The following CDK19 variants were observed in gnomAD, a reference collection of about 807,000 sequenced individuals.
CDK19 encodes cyclin dependent kinase 19.
CDK19 carries 20 observed loss-of-function variants against 68.3 expected under a neutral mutation model. The ratio of observed to expected loss-of-function variants is 0.29; its 90% confidence interval spans 0.21 to 0.43. CDK19 has a LOEUF of 0.43. Ranked by LOEUF, CDK19 falls within the 20% of genes least tolerant of loss-of-function variation. The pLI is 1.00. For missense variants in CDK19, 339 were observed against 623.5 expected (o/e 0.54, Z 4.86); for synonymous variants, 221 against 222.8 (o/e 0.99, Z 0.07).
intron 1 of CDK19, among the ~76,000 whole-genome samples, chr6:110,763,728 C>T (rs1363751793): frequency 6.6e-6 from 1 of 152,022 alleles, no homozygotes; most frequent in African/African-American, 2.4e-5. Flanking sequence ...TCTCACCACT[C>T]TTAATCAACA....
intron 1 of CDK19, among the ~76,000 whole-genome samples, chr6:110,767,945 TAAA>T (rs1321413056): frequency 1.3e-5 from 2 of 151,994 alleles, no homozygotes; most frequent in Non-Finnish European, 2.9e-5. Context: ...AAATATCTGA[TAAA>T]GAAGTGGTAT....
chr6:110,793,684 C>T (rs1781746927), intron 1 of CDK19, among the ~76,000 whole-genome samples: 1 of 152,180 alleles, frequency 6.6e-6, no homozygotes, highest in South Asian at 2.1e-4. Flanking sequence ...CCTGTTTTCC[C>T]TTGTGTTCCT....
intron 4 of CDK19, among the ~76,000 whole-genome samples, chr6:110,655,049 A>G (rs906328055): frequency 6.6e-6 from 1 of 152,122 alleles, no homozygotes; most frequent in African/African-American, 2.4e-5. Flanking sequence ...AAAAGTTATT[A>G]TTTTACTTTA....
chr6:110,727,153 T>G (rs1776371757), intron 2 of CDK19, among the ~76,000 whole-genome samples: 1 of 152,184 alleles, frequency 6.6e-6, no homozygotes. Context: ...GAAAACACAT[T>G]ATAAAAGTCA....
intron 1 of CDK19, among the ~76,000 whole-genome samples, chr6:110,747,185 C>T (rs1778137341): frequency 6.6e-6 from 1 of 152,112 alleles, no homozygotes; most frequent in Admixed American, 6.6e-5. Context: ...TTAGCTATTC[C>T]TCATTTTCCC....
At chr6:110,728,176 T>C in intron 2 of CDK19, among the ~76,000 whole-genome samples, 1 of 150,898 alleles carries the variant, frequency 6.6e-6, no homozygotes, top group East Asian at 2.0e-4. Flanking sequence ...TAATCCTAGC[T>C]ACTCAGGAGG....
chr6:110,706,881 G>A (rs1209696144), intron 2 of CDK19: 1 of 187,980 alleles, frequency 5.3e-6, no homozygotes, highest in Non-Finnish European at 1.2e-5. Flanking sequence ...TTTTCTAAAA[G>A]GCTATATTTT....
At chr6:110,796,751 G>A (rs1283253368) in intron 1 of CDK19, among the ~76,000 whole-genome samples, 8 of 152,106 alleles carry the variant, frequency 5.3e-5, no homozygotes, top group African/African-American at 1.9e-4. Context: ...ACTCACGCCT[G>A]TAATCCCAGC....
intron 1 of CDK19, among the ~76,000 whole-genome samples, chr6:110,800,240 A>G (rs1251318956): frequency 2.0e-5 from 3 of 152,170 alleles, no homozygotes; most frequent in Admixed American, 2.0e-4. Context: ...CACAATCTCT[A>G]AAGATTGAAC....
intron 1 of CDK19, among the ~76,000 whole-genome samples, chr6:110,747,874 T>C (rs1340740987): frequency 6.6e-6 from 1 of 152,236 alleles, no homozygotes; most frequent in Non-Finnish European, 1.5e-5. Context: ...TGATTGAATG[T>C]AATCAAAGCC....
At chr6:110,693,609 G>C (rs1021091422) in intron 2 of CDK19, among the ~76,000 whole-genome samples, 2 of 152,160 alleles carry the variant, frequency 1.3e-5, no homozygotes, top group Non-Finnish European at 2.9e-5. Context: ...TGGGAGCTAG[G>C]TGAAGCCTGT....
At chr6:110,731,424 G>C (rs1404505116) in intron 2 of CDK19, among the ~76,000 whole-genome samples, 1 of 152,172 alleles carries the variant, frequency 6.6e-6, no homozygotes, top group Non-Finnish European at 1.5e-5. Context: ...TGGTTGCCAA[G>C]GGCTGAGTTG....
chr6:110,766,234 T>A (rs1464775768), intron 1 of CDK19, among the ~76,000 whole-genome samples: 1 of 152,180 alleles, frequency 6.6e-6, no homozygotes, highest in East Asian at 1.9e-4. Context: ...AAAGAAAATG[T>A]GGCATATATA....
chr6:110,679,570 C>T (rs1338600219), intron 2 of CDK19, among the ~76,000 whole-genome samples: 1 of 152,062 alleles, frequency 6.6e-6, no homozygotes, highest in African/African-American at 2.4e-5. Context: ...CAAGATCACA[C>T]CATTGCACTC....
intron 1 of CDK19, among the ~76,000 whole-genome samples, chr6:110,752,747 GTATGGAGACAGGGTCTCAC>G (rs771631379): frequency 1.5e-3 from 235 of 152,166 alleles, no homozygotes; most frequent in Non-Finnish European, 2.7e-3. Flanking sequence ...TTTTGTGTAT[GTATGGAGACAGGGTCTCAC>G]TATGTTGCCC....
intron 4 of CDK19, among the ~76,000 whole-genome samples, chr6:110,657,017 T>A (rs1160566824): frequency 1.3e-5 from 2 of 152,154 alleles, no homozygotes; most frequent in African/African-American, 4.8e-5. Flanking sequence ...AATACCCACA[T>A]CCAGATCAAA....
chr6:110,623,656 C>T (rs1778856661), intron 8 of CDK19, among the ~76,000 whole-genome samples: 2 of 151,314 alleles, frequency 1.3e-5, no homozygotes, highest in Non-Finnish European at 2.9e-5. Flanking sequence ...TAGGCACATA[C>T]CTGAGTCAAA....
chr6:110,713,173 A>AG (rs1775081051), intron 2 of CDK19, among the ~76,000 whole-genome samples: 1 of 141,054 alleles, frequency 7.1e-6, no homozygotes, highest in African/African-American at 2.6e-5. Context: ...CTCCAGCCTG[A>AG]TGACAGAGTG....
At chr6:110,710,478 C>CT (rs1333999583) in intron 2 of CDK19, among the ~76,000 whole-genome samples, 1 of 152,208 alleles carries the variant, frequency 6.6e-6, no homozygotes, top group African/African-American at 2.4e-5. Flanking sequence ...TAATAATACC[C>CT]TTTGTCTCAG....
Sources: gnomAD v4.1 joint callset for allele counts (sites outside exome capture counted in the v4.1 genomes callset) on GRCh38, gnomAD v4.1.1 for gene constraint, MANE v1.5 for transcripts, NCBI Gene and HGNC (gene_info 2026-07-23, HGNC 2026-07-21) for gene names.